Variants in SNAPC3 observed in about 807,000 individuals in gnomAD.
SNAPC3 encodes snRNA-activating protein complex subunit 3.
SNAPC3 carries 56 observed loss-of-function variants against 47.7 expected under a neutral mutation model. The ratio of observed to expected loss-of-function variants is 1.18; its 90% CI spans 0.95 to 1.47. SNAPC3 has a LOEUF of 1.47. Ranked by LOEUF, SNAPC3 falls within the 40% of genes most tolerant of loss-of-function variation. The pLI, the probability that SNAPC3 is intolerant of heterozygous loss-of-function variation, is 0.00. For missense variants in SNAPC3, 665 were observed against 511.3 expected, an observed-to-expected ratio of 1.30 and a Z score of -2.90; for synonymous variants, 235 against 189.9, an observed-to-expected ratio of 1.24 and a Z score of -1.95.
At chr9:15,444,828 A>G (rs1325821356) in intron 4 of SNAPC3, 122 bp downstream of exon 4, 1 of 552,664 alleles carries the variant, frequency 1.8e-6, no homozygotes, top group South Asian at 2.1e-5. Context: ...GTGGTGGCTC[A>G]TGCCTGTAAT....
intron 7 of SNAPC3, 21 bp downstream of exon 7, chr9:15,453,226 C>T (rs1587380578): frequency 1.9e-6 from 3 of 1,545,672 alleles, no homozygotes; most frequent in East Asian, 4.6e-5. Flanking sequence ...GCACTTAAGA[C>T]ATTTTGTTAC....
downstream of SNAPC3, chr9:15,464,871 T>C (rs926159421): frequency 1.9e-5 from 4 of 210,844 alleles, no homozygotes; most frequent in Admixed American, 5.9e-5. Flanking sequence ...CAAAAATTAA[T>C]GTTTTATAGT....
intron 3 of SNAPC3, among the ~76,000 whole-genome samples, chr9:15,442,988 G>A (rs1021726710): frequency 5.3e-5 from 8 of 152,212 alleles, no homozygotes; most frequent in Admixed American, 2.6e-4. Flanking sequence ...GGCCAACACA[G>A]CGAAACCCCG....
chr9:15,433,297 A>C (rs532489597), intron 2 of SNAPC3, among the ~76,000 whole-genome samples: 1 of 152,228 alleles, frequency 6.6e-6, no homozygotes, highest in Non-Finnish European at 1.5e-5. Context: ...AGTAAATTAA[A>C]AATTGTGTGA....
Position 15,444,580 on chromosome 9 carries a change from G to C in SNAPC3, c.478-22G>C, listed in dbSNP as rs546572805. 11 of 1,420,538 alleles carry C rather than the reference G, an allele frequency of 7.7e-6. No individual in the cohort carries two copies. The African/African-American group carries it at 8.5e-5, about 11-fold the overall frequency. 88.0% of individuals were successfully genotyped at this position (1,420,538 alleles called of 1,614,324 possible). A position where few individuals can be genotyped will look rare whatever the true frequency, so the allele number is the denominator to read the frequency against. The stretch of plus-strand genomic sequence containing the variant: ...ATCTGAGTTATAGTATCTGATTTCA[G>C]TGTCTCTTTTTCTTTCTTCAGGAGT... On this transcript the variant is annotated intron_variant, in intron 3 of 8. Transcript: ENST00000380821.
At chr9:15,464,308 C>T (rs2035460787), downstream of SNAPC3, 2 of 194,268 alleles carry the variant, frequency 1.0e-5, no homozygotes, top group Admixed American at 6.1e-5. Flanking sequence ...TACAGAGACG[C>T]TGGTCTTAAG....
At chr9:15,464,597 A>T (rs928977159), downstream of SNAPC3, 82 of 197,666 alleles carry the variant, frequency 4.1e-4, no homozygotes, top group African/African-American at 1.9e-3. Flanking sequence ...GTTTCCTTAT[A>T]TAACATTTAT....
intron 4 of SNAPC3, among the ~76,000 whole-genome samples, chr9:15,446,467 A>C (rs957955399): frequency 6.6e-6 from 1 of 152,152 alleles, no homozygotes; most frequent in African/African-American, 2.4e-5. Context: ...TCGGCCTCCC[A>C]AAGTGTTGGG....
chr9:15,448,827 T>C (rs888514773), intron 5 of SNAPC3, among the ~76,000 whole-genome samples: 2 of 152,192 alleles, frequency 1.3e-5, no homozygotes, highest in South Asian at 2.1e-4. Context: ...TTCTTTCTTT[T>C]TTTTTTGGAT....
chr9:15,459,407 T>A (rs1489672031), intron 8 of SNAPC3, among the ~76,000 whole-genome samples: 1 of 152,184 alleles, frequency 6.6e-6, no homozygotes, highest in Admixed American at 6.5e-5. Flanking sequence ...TATTCGTACT[T>A]GGAGGATAGG....
intron 4 of SNAPC3, 41 bp from the exon 5 acceptor site, chr9:15,447,054 T>G (rs1283285262): frequency 6.4e-7 from 1 of 1,570,714 alleles, no homozygotes; most frequent in African/African-American, 1.4e-5. Flanking sequence ...GTTTTATCGC[T>G]TTGTCTCTAA....
intron 3 of SNAPC3, among the ~76,000 whole-genome samples, chr9:15,440,055 A>G (rs2033186300): frequency 6.6e-6 from 1 of 151,996 alleles, no homozygotes; most frequent in Non-Finnish European, 1.5e-5. Flanking sequence ...ATATTCAAAT[A>G]CTCTGCTTCC....
intron 3 of SNAPC3, among the ~76,000 whole-genome samples, chr9:15,442,277 G>A (rs1266607045): frequency 1.3e-5 from 2 of 149,732 alleles, no homozygotes; most frequent in Non-Finnish European, 3.0e-5. Flanking sequence ...TGGATGGGGC[G>A]GCTGGCCGGG....
chr9:15,463,602 A>G (rs1016449586), downstream of SNAPC3: 13 of 152,122 alleles, frequency 8.5e-5, no homozygotes, highest in African/African-American at 2.9e-4. Flanking sequence ...AATTGAGCCA[A>G]TGAACAATTT....
In SNAPC3 at chr9:15,422,993, T is replaced by TA. The variant is rs1484839229; in HGVS notation, c.115dup (p.Thr39AsnfsTer40). 6.5e-7 allele frequency: 1 copy of TA among 1,544,518 alleles called. No homozygotes were observed. The highest frequency in any genetic ancestry group is 8.7e-7 in the Non-Finnish European group (1 of 1,152,610). On this transcript the variant is annotated frameshift_variant, in exon 1 of 9. Coordinates refer to ENST00000380821, the MANE Select transcript of SNAPC3 (RefSeq NM_001039697.2). LOFTEE classifies it high-confidence loss of function. ...CAGAGTATGAGCTTCCCGAGCTAAA[T>TA]ACGCGCGCTTTCCATGTGGGCGCCT...
chr9:15,451,449 T>C (rs762496294), intron 6 of SNAPC3, 47 bp downstream of exon 6: 2 of 882,460 alleles, frequency 2.3e-6, no homozygotes, highest in Admixed American at 2.2e-5. Flanking sequence ...TTTCTAGTTA[T>C]CAAAGTAGTG....
At chr9:15,458,929 C>T (rs1016445158) in intron 8 of SNAPC3, among the ~76,000 whole-genome samples, 26 of 151,974 alleles carry the variant, frequency 1.7e-4, no homozygotes, top group East Asian at 7.7e-4. Flanking sequence ...GATGTTCAAC[C>T]GGCAAATATA....
intron 2 of SNAPC3, among the ~76,000 whole-genome samples, chr9:15,424,754 A>G (rs1348753033): frequency 6.6e-6 from 1 of 152,186 alleles, no homozygotes; most frequent in Non-Finnish European, 1.5e-5. Context: ...TATAATTTCC[A>G]ATTTATAGTC....
intron 2 of SNAPC3, among the ~76,000 whole-genome samples, chr9:15,424,512 A>T (rs1473812225): frequency 6.6e-6 from 1 of 152,122 alleles, no homozygotes; most frequent in African/African-American, 2.4e-5. Flanking sequence ...TATAAAAAGA[A>T]TTACTAGAAA....
Sources: gnomAD v4.1 joint callset for allele counts (sites outside exome capture counted in the v4.1 genomes callset) on GRCh38, gnomAD v4.1.1 for gene constraint, MANE v1.5 for transcripts, NCBI Gene and HGNC (gene_info 2026-07-23, HGNC 2026-07-21) for gene names.